NRXN3: variants seen among roughly 807,000 people sequenced by gnomAD.
NRXN3 encodes neurexin 3, also known as neurexin III.
In NRXN3, 32 loss-of-function variants were observed where a neutral mutation model predicts 137.6. The observed-to-expected ratio is 0.23, with a 90% CI of 0.18 to 0.31. The LOEUF (loss-of-function observed/expected upper bound fraction) is 0.31, where lower values mean the gene tolerates loss of function less well. Among genes scored for constraint, NRXN3 ranks in the 10% least tolerant of loss-of-function variants. NRXN3 has a pLI of 1.00. For missense variants in NRXN3, 1,574 were observed against 2,062.5 expected (o/e 0.76, Z 4.59); for synonymous variants, 798 against 784.5 (o/e 1.02, Z -0.29).
At chr14:78,645,649 A>C (rs536035562) in intron 5 of NRXN3, among the ~76,000 whole-genome samples, 6 of 152,214 alleles carry the variant, frequency 3.9e-5, no homozygotes, top group Middle Eastern at 3.4e-3. Context: ...AGAAAAAAAA[A>C]AACAACTCAG....
At chr14:78,732,798 G>A (rs1567173543) in intron 8 of NRXN3, among the ~76,000 whole-genome samples, 1 of 152,148 alleles carries the variant, frequency 6.6e-6, no homozygotes, top group Admixed American at 6.5e-5. Flanking sequence ...AAGGTTAGAT[G>A]GTTTGAGGAT....
At chr14:79,046,824 A>C (rs767902103) in intron 15 of NRXN3, among the ~76,000 whole-genome samples, 53 of 152,348 alleles carry the variant, frequency 3.5e-4, no homozygotes, top group Middle Eastern at 6.8e-3. Context: ...TTTTAATATC[A>C]TTCTACTTTG....
At chr14:78,686,243 C>T (rs979650673) in intron 6 of NRXN3, among the ~76,000 whole-genome samples, 1 of 152,176 alleles carries the variant, frequency 6.6e-6, no homozygotes, top group Non-Finnish European at 1.5e-5. Context: ...CATTTATTTG[C>T]CTAATGAGTG....
chr14:78,186,336 G>A (rs1399760231), intron 1 of NRXN3, among the ~76,000 whole-genome samples: 1 of 152,264 alleles, frequency 6.6e-6, no homozygotes, highest in East Asian at 1.9e-4. Flanking sequence ...CCTCTAAAAG[G>A]CCTTGTGGCT....
chr14:78,529,229 C>T (rs1033281565), intron 4 of NRXN3, among the ~76,000 whole-genome samples: 5 of 152,160 alleles, frequency 3.3e-5, no homozygotes, highest in African/African-American at 4.8e-5. Flanking sequence ...GTAGAAATAG[C>T]TGCAAGTTGC....
chr14:79,218,007 C>A (rs756167675), intron 15 of NRXN3, among the ~76,000 whole-genome samples: 1 of 152,126 alleles, frequency 6.6e-6, no homozygotes, highest in Non-Finnish European at 1.5e-5. Context: ...ATATCTGACA[C>A]GTAAATAAAG....
intron 15 of NRXN3, among the ~76,000 whole-genome samples, chr14:79,360,575 T>A (rs916000874): frequency 6.6e-6 from 1 of 152,240 alleles, no homozygotes. Flanking sequence ...GAAAGATGAA[T>A]GCTCAGTAAT....
At chr14:78,349,712 TA>T (rs2083225001) in intron 4 of NRXN3, among the ~76,000 whole-genome samples, 1 of 152,220 alleles carries the variant, frequency 6.6e-6, no homozygotes, top group Non-Finnish European at 1.5e-5. Flanking sequence ...CTTCAAGGAC[TA>T]GCAAGTGCTT....
intron 6 of NRXN3, among the ~76,000 whole-genome samples, chr14:78,674,284 T>C (rs1160973344): frequency 6.6e-6 from 1 of 152,194 alleles, no homozygotes; most frequent in Non-Finnish European, 1.5e-5. Context: ...GCAAGGTGTT[T>C]TTGGTGTCTA....
At chr14:78,309,534 TA>T (rs1376265216) in intron 4 of NRXN3, among the ~76,000 whole-genome samples, 12 of 152,006 alleles carry the variant, frequency 7.9e-5, no homozygotes, top group African/African-American at 2.9e-4. Flanking sequence ...GAGATGCTAA[TA>T]ATATTTCAAG....
At chr14:78,892,524 G>A (rs1159797691) in intron 10 of NRXN3, among the ~76,000 whole-genome samples, 1 of 151,734 alleles carries the variant, frequency 6.6e-6, no homozygotes, top group Non-Finnish European at 1.5e-5. Context: ...TCTGAGTGGG[G>A]AAGAAGTGTG....
intron 15 of NRXN3, among the ~76,000 whole-genome samples, chr14:79,402,882 A>C (rs1406783161): frequency 1.3e-5 from 2 of 152,182 alleles, no homozygotes; most frequent in Non-Finnish European, 2.9e-5. Flanking sequence ...TGTACAAAAG[A>C]CAAACAATTA....
chr14:78,525,165 C>G (rs1184620283), intron 4 of NRXN3, among the ~76,000 whole-genome samples: 6 of 152,162 alleles, frequency 3.9e-5, no homozygotes, highest in African/African-American at 1.2e-4. Context: ...GGGGAGGACC[C>G]TTTGCACAGG....
At chr14:79,314,840 C>G (rs987055306) in intron 15 of NRXN3, among the ~76,000 whole-genome samples, 1 of 149,854 alleles carries the variant, frequency 6.7e-6, no homozygotes, top group Non-Finnish European at 1.5e-5. Context: ...TCCAACAGAC[C>G]TGCAGCTGAG....
intron 15 of NRXN3, among the ~76,000 whole-genome samples, chr14:79,035,959 C>A (rs767685897): frequency 2.0e-5 from 3 of 151,778 alleles, no homozygotes; most frequent in African/African-American, 4.8e-5. Context: ...AGTTAATAAC[C>A]CTATTGGTTG....
intron 2 of NRXN3, among the ~76,000 whole-genome samples, chr14:78,256,313 G>A (rs1464003181): frequency 2.0e-5 from 3 of 152,204 alleles, no homozygotes; most frequent in African/African-American, 4.8e-5. Flanking sequence ...GGAGGATGAT[G>A]ATACACTGGC....
At chr14:78,989,679 G>C (rs1191744985) in intron 15 of NRXN3, among the ~76,000 whole-genome samples, 1 of 152,166 alleles carries the variant, frequency 6.6e-6, no homozygotes, top group Non-Finnish European at 1.5e-5. Flanking sequence ...TATACTATAT[G>C]CTCTTTCTTT....
At chr14:79,142,741 A>G (rs918851929) in intron 15 of NRXN3, among the ~76,000 whole-genome samples, 29 of 152,020 alleles carry the variant, frequency 1.9e-4, no homozygotes, top group African/African-American at 6.8e-4. Flanking sequence ...CTGCAGCCAA[A>G]CTCTTCACAA....
intron 6 of NRXN3, among the ~76,000 whole-genome samples, chr14:78,702,872 G>A (rs1394327166): frequency 6.6e-6 from 1 of 152,172 alleles, no homozygotes; most frequent in Non-Finnish European, 1.5e-5. Flanking sequence ...CAGAAACTAT[G>A]TGAAGTACTT....
Sources: allele counts gnomAD v4.1 joint callset (sites outside exome capture counted in the v4.1 genomes callset), GRCh38; gene constraint gnomAD v4.1.1; transcripts MANE v1.5; gene names NCBI Gene and HGNC (gene_info 2026-07-23, HGNC 2026-07-21).